L3MBTL1: variants seen among roughly 807,000 people sequenced by gnomAD.
The protein encoded by L3MBTL1 is L3MBTL histone methyl-lysine binding protein 1, also known as lethal(3)malignant brain tumor-like protein 1.
In L3MBTL1, 75 loss-of-function variants were observed where a neutral mutation model predicts 105.3. The ratio of observed to expected loss-of-function variants is 0.71; its 90% CI spans 0.59 to 0.86. The LOEUF is 0.86. Ranked by LOEUF, L3MBTL1 falls within the 40% of genes least tolerant of loss-of-function variation. The pLI, the probability that L3MBTL1 is intolerant of heterozygous loss-of-function variation, is 0.00. For synonymous variants in L3MBTL1, 452 were observed against 436.2 expected (o/e 1.04, Z -0.45); for missense variants, 1,069 against 1,126.4 (o/e 0.95, Z 0.73).
intron 1 of L3MBTL1, among the ~76,000 whole-genome samples, chr20:43,508,683 G>A (rs2018051448): frequency 6.6e-6 from 1 of 152,252 alleles, no homozygotes; most frequent in African/African-American, 2.4e-5. Context: ...GTTTTAGGTC[G>A]GGTCCCCCGA....
exon 19 of L3MBTL1, chr20:43,549,997 C>A (rs1265689832): frequency 6.6e-6 from 1 of 152,202 alleles, no homozygotes; most frequent in Non-Finnish European, 1.5e-5. Flanking sequence ...TCCATTCCCT[C>A]TCAACTGCTT....
downstream of L3MBTL1, among the ~76,000 whole-genome samples, chr20:43,545,202 C>T (rs189431196): frequency 2.7e-3 from 411 of 151,580 alleles, 2 homozygotes; most frequent in Middle Eastern, 6.8e-3. Flanking sequence ...CCTGTCTATA[C>T]GAAAAATACA....
At chr20:43,548,205 C>A in exon 19 of L3MBTL1, 1 of 1,304,454 alleles carries the variant, frequency 7.7e-7, no homozygotes, top group Non-Finnish European at 1.0e-6. Flanking sequence ...ATCTATAACG[C>A]CATTCTCATG....
chr20:43,513,383 G>A, intron 1 of L3MBTL1, 93 bp from the exon 2 acceptor site: 1 of 1,322,854 alleles, frequency 7.6e-7, no homozygotes, highest in South Asian at 1.4e-5. Context: ...AAGGTGGCTA[G>A]CTTCTCAAAG....
In L3MBTL1 at chr20:43,516,137, T is replaced by C. The variant is rs758296548; in HGVS notation, c.822T>C (p.Ala274=). 1.2e-6 allele frequency: 2 copies of C among 1,614,070 alleles called. No individual in the cohort carries two copies. Among genetic ancestry groups the C allele is most frequent in the African/African-American group, 1.3e-5 (1 of 75,042 alleles). The change falls in exon 7 of 22, where the codon GCT becomes GCC. Residue 274 remains alanine, a synonymous_variant. Coordinates refer to ENST00000418998, the MANE Select transcript of L3MBTL1 (RefSeq NM_001377303.1). ...AGGACCCAGAGGGACAACCCACTGC[T>C]AGCACCCCAGAGAGTGAGGAGTGGA... ...EGKDPEGQPT[A]STPESEEWSS...
In L3MBTL1 at chr20:43,547,797, G is replaced by A. The variant is rs991989551; in HGVS notation, c.2125-314G>A. 7.9e-5 allele frequency among the ~76,000 whole-genome samples: 12 copies of A among 152,190 alleles called. No individual in the cohort carries two copies. The South Asian group carries it at 8.3e-4, about 10-fold the overall frequency. On this transcript the variant is annotated intron_variant, in intron 18 of 18. Coordinates refer to the L3MBTL1 transcript ENST00000422861. ...TGTGAGGACTCAAAAGACATTTTGC[G>A]GATACAAATGCTAAACCTCAGACCA... is the stretch of plus-strand genomic sequence containing the variant.
Position 43,534,323 on chromosome 20 carries a change from G to T in L3MBTL1, c.1639G>T (p.Ala547Ser). ...HSFLVNMKLE[A>S]VDRRNPALIR... ...CTTCCTGGTCAATATGAAGCTGGAG[G>T]CTGTGGACCGCAGGAACCCAGCCCT... is the stretch of plus-strand genomic sequence containing the variant. The change falls in exon 15 of 22, where the codon GCT (alanine) becomes TCT (serine). Residue 547 changes from alanine (A) to serine (S), a missense_variant. By Grantham distance (99) the Ala-to-Ser change is moderately conservative. Transcript: ENST00000418998. The T allele has an allele frequency of 6.2e-7, 1 of 1,614,128 alleles. No individual in the cohort carries two copies. Among genetic ancestry groups the T allele is most frequent in the South Asian group, 1.1e-5 (1 of 91,076 alleles).
chr20:43,516,189 T>TGTGTGTATATATATTCGTGTGAG lies in L3MBTL1; in HGVS notation c.862+24_862+46dup, dbSNP rs769441956. The TGTGTGTATATATATTCGTGTGAG allele has an allele frequency of 4.4e-6, 7 of 1,603,342 alleles. No homozygotes were observed. Among genetic ancestry groups the TGTGTGTATATATATTCGTGTGAG allele is most frequent in the Non-Finnish European group, 6.0e-6 (7 of 1,170,604 alleles). On this transcript the variant is annotated intron_variant, in intron 7 of 21. Coordinates refer to ENST00000418998, the MANE Select transcript of L3MBTL1 (RefSeq NM_001377303.1). ...CAGCAGCCAGCCTGGTACGGTGGCT[T>TGTGTGTATATATATTCGTGTGAG]GTGTGTATATATATTCGTGTGAGGT...
rs756628097 is a variant in L3MBTL1 at position 43,535,849 on chromosome 20, C to T, written c.1838C>T (p.Pro613Leu). 8 of 1,598,536 alleles carry T rather than the reference C, an allele frequency of 5.0e-6. No homozygotes were observed. Among genetic ancestry groups the T allele is most frequent in the Non-Finnish European group, 6.8e-6 (8 of 1,173,286 alleles). ...TCTGCTCTTTTAGGACCCAGAGAGC[C>T]CAGCTCTGCCTCCCCTGGGGGCTGT... The part of the protein sequence containing the change: ...PLQPPLGPRE[P>L]SSASPGGCPP... Residue 613 changes from proline to leucine, a missense_variant, in exon 17 of 22, where the codon CCC becomes CTC. Pro to Leu is a moderately conservative substitution (Grantham distance 98). Coordinates refer to ENST00000418998, the MANE Select transcript of L3MBTL1 (RefSeq NM_001377303.1).
In L3MBTL1 at chr20:43,530,439, G is replaced by T. The variant is rs1568924664; in HGVS notation, c.1192+20G>T. 1 of 1,612,212 alleles carries T rather than the reference G, an allele frequency of 6.2e-7. No individual in the cohort carries two copies. Among genetic ancestry groups the T allele is most frequent in the Admixed American group, 1.7e-5 (1 of 59,510 alleles). On this transcript the variant is annotated intron_variant, in intron 10 of 21. Coordinates refer to ENST00000418998, the MANE Select transcript of L3MBTL1 (RefSeq NM_001377303.1). ...CCAAAGGTAAGGCCTAGCTGGGTTG[G>T]TCACAGTGAGGCAGTGAGTCCTCAG... is the stretch of plus-strand genomic sequence containing the variant.
intron 19 of L3MBTL1, 128 bp from the exon 20 acceptor site, chr20:43,540,023 C>T (rs996176347): frequency 2.0e-6 from 2 of 996,908 alleles, no homozygotes; most frequent in African/African-American, 3.2e-5. Context: ...ACTCTACAGG[C>T]TGTCAGAAGG....
At chr20:43,537,182 T>A (rs1348072953) in intron 19 of L3MBTL1, among the ~76,000 whole-genome samples, 4 of 152,226 alleles carry the variant, frequency 2.6e-5, no homozygotes, top group Non-Finnish European at 4.4e-5. Flanking sequence ...AAATGTCAGT[T>A]CACTTCTCAC....
At position 43,541,263 on chromosome 20, in the gene L3MBTL1, T is replaced by TA. The variant is rs1383997162; in HGVS notation, c.*142dup. 4 of 1,450,476 alleles carry TA rather than the reference T, an allele frequency of 2.8e-6. No homozygotes were observed. The highest frequency in any genetic ancestry group is 1.4e-5 in the African/African-American group (1 of 70,166). 89.9% of individuals were successfully genotyped at this position (1,450,476 alleles called of 1,614,324 possible). ...GAGCCAAGGAGTAGTGAGTTGTAGA[T>TA]AAAAAAAGAATGTCAGCTTTGGAGA... is the stretch of plus-strand genomic sequence containing the variant. On this transcript the variant is annotated 3_prime_UTR_variant, in exon 22 of 22. Transcript: ENST00000418998.
At chr20:43,538,266 C>G (rs1321573787) in intron 19 of L3MBTL1, among the ~76,000 whole-genome samples, 4 of 152,198 alleles carry the variant, frequency 2.6e-5, no homozygotes, top group Non-Finnish European at 2.9e-5. Context: ...GTTCTGACCA[C>G]CAGAGGGCAC....
At chr20:43,519,272 G>A (rs2018580733) in intron 7 of L3MBTL1, among the ~76,000 whole-genome samples, 1 of 151,084 alleles carries the variant, frequency 6.6e-6, no homozygotes. Context: ...AGGAGGCAGA[G>A]GTTGCAGTGA....
chr20:43,513,380 C>G (rs1205510181), intron 1 of L3MBTL1, 96 bp from the exon 2 acceptor site: 2 of 1,284,748 alleles, frequency 1.6e-6, no homozygotes, highest in African/African-American at 3.0e-5. Flanking sequence ...TTGAAGGTGG[C>G]TAGCTTCTCA....
chr20:43,529,567 T>A (rs2019218431), intron 9 of L3MBTL1, among the ~76,000 whole-genome samples, 199 bp downstream of exon 9: 1 of 152,136 alleles, frequency 6.6e-6, no homozygotes, highest in Non-Finnish European at 1.5e-5. Flanking sequence ...ATTGGATGAA[T>A]GTATACTGTC....
intron 7 of L3MBTL1, among the ~76,000 whole-genome samples, chr20:43,526,174 G>A (rs2019021907): frequency 6.6e-6 from 1 of 152,204 alleles, no homozygotes; most frequent in Non-Finnish European, 1.5e-5. Context: ...AGGCGCCTGA[G>A]ACAAGAAATC....
At position 43,510,457 on chromosome 20, in the gene L3MBTL1, T is replaced by A. The variant is rs1399850886; in HGVS notation, c.-29+2713T>A. Among the ~76,000 whole-genome samples the A allele has an allele frequency of 6.1e-5, 9 of 147,204 alleles. 1 individual carries two copies. Among genetic ancestry groups the A allele is most frequent in the Non-Finnish European group, 1.3e-4 (9 of 67,302 alleles). On this transcript the variant is annotated intron_variant, in intron 1 of 21. Transcript: ENST00000418998. Reference sequence around the variant, plus strand: ...TCTTATTCTGTTGCCCAGGCTGGAGTGCAGTGGCATGATCTTGGCTTACCG... The same window carrying A: ...TCTTATTCTGTTGCCCAGGCTGGAGAGCAGTGGCATGATCTTGGCTTACCG...
Sources: gnomAD v4.1 joint callset for allele counts (sites outside exome capture counted in the v4.1 genomes callset) on GRCh38, gnomAD v4.1.1 for gene constraint, MANE v1.5 for transcripts, NCBI Gene and HGNC (gene_info 2026-07-23, HGNC 2026-07-21) for gene names.